Variants in MACROD2 observed in about 807,000 individuals in gnomAD.
MACROD2 encodes the protein ADP-ribose glycohydrolase MACROD2.
Under a neutral mutation model 70.4 loss-of-function variants are expected in MACROD2, and 36 were observed. That is an observed-to-expected ratio of 0.51 (90% CI 0.39 to 0.68). The LOEUF (loss-of-function observed/expected upper bound fraction) is 0.68. Among genes scored for constraint, MACROD2 ranks in the 30% least tolerant of loss-of-function variants. The pLI, the probability that MACROD2 is intolerant of heterozygous loss-of-function variation, is 0.00. For missense variants in MACROD2, 496 were observed against 538.4 expected, an observed-to-expected ratio of 0.92 and a Z score of 0.78; for synonymous variants, 172 against 178.8, an observed-to-expected ratio of 0.96 and a Z score of 0.30.
At chr20:14,247,406 T>C (rs966363894) in intron 3 of MACROD2, among the ~76,000 whole-genome samples, 1 of 152,196 alleles carries the variant, frequency 6.6e-6, no homozygotes, top group African/African-American at 2.4e-5. Flanking sequence ...TTTGCAGTGT[T>C]TATATTCAGA....
chr20:14,005,286 C>T (rs1332557100), intron 2 of MACROD2, among the ~76,000 whole-genome samples: 2 of 151,858 alleles, frequency 1.3e-5, no homozygotes, highest in East Asian at 1.9e-4. Flanking sequence ...TAAAAAAACC[C>T]AAAAAACAAA....
At chr20:14,454,555 C>A (rs117743890) in intron 3 of MACROD2, among the ~76,000 whole-genome samples, 3,168 of 151,818 alleles carry the variant, frequency 0.021, 71 homozygotes, top group Non-Finnish European at 0.026. Flanking sequence ...GTTGTAACAG[C>A]AGTGGTTTAG....
chr20:14,420,144 T>TTA (rs368804584), intron 3 of MACROD2, among the ~76,000 whole-genome samples: 5,118 of 148,234 alleles, frequency 0.035, 159 homozygotes, highest in African/African-American at 0.083. Context: ...TCTGTCCTAA[T>TTA]TATATATATA....
intron 5 of MACROD2, among the ~76,000 whole-genome samples, chr20:14,882,864 AT>A (rs777615828): frequency 1.3e-5 from 2 of 152,190 alleles, no homozygotes; most frequent in Non-Finnish European, 2.9e-5. Context: ...GGACTTAAGT[AT>A]GTAGACCTTA....
intron 6 of MACROD2, among the ~76,000 whole-genome samples, chr20:15,236,042 CA>C (rs1313219615): frequency 1.3e-5 from 2 of 152,200 alleles, no homozygotes; most frequent in Non-Finnish European, 2.9e-5. Flanking sequence ...GTAACAAGAA[CA>C]AAGGCACTTT....
intron 8 of MACROD2, among the ~76,000 whole-genome samples, chr20:15,660,280 T>C (rs2049801086): frequency 1.3e-5 from 2 of 152,196 alleles, no homozygotes; most frequent in African/African-American, 4.8e-5. Flanking sequence ...AGATGGAAAC[T>C]GAAGCTTGAA....
At chr20:14,488,994 A>C (rs2123095145) in intron 3 of MACROD2, among the ~76,000 whole-genome samples, 1 of 152,282 alleles carries the variant, frequency 6.6e-6, no homozygotes, top group South Asian at 2.1e-4. Context: ...ATTTATTAGT[A>C]GTAGGGGTCA....
At chr20:15,746,006 C>A (rs533500716) in intron 8 of MACROD2, among the ~76,000 whole-genome samples, 12 of 152,166 alleles carry the variant, frequency 7.9e-5, no homozygotes, top group African/African-American at 2.9e-4. Context: ...TTTGACTATT[C>A]TTGGCCTATG....
chr20:15,180,511 C>T (rs1336275502), intron 5 of MACROD2, among the ~76,000 whole-genome samples: 7 of 152,166 alleles, frequency 4.6e-5, no homozygotes, highest in African/African-American at 4.8e-5. Flanking sequence ...ATTTCATTTG[C>T]AGCTGTTAGC....
chr20:14,967,641 T>A (rs1457191780), intron 5 of MACROD2, among the ~76,000 whole-genome samples: 1 of 152,236 alleles, frequency 6.6e-6, no homozygotes, highest in East Asian at 1.9e-4. Flanking sequence ...ATTTTTTAAA[T>A]GATTAATGAT....
At chr20:14,095,362 C>T (rs2054208909) in intron 3 of MACROD2, among the ~76,000 whole-genome samples, 1 of 152,024 alleles carries the variant, frequency 6.6e-6, no homozygotes, top group African/African-American at 2.4e-5. Flanking sequence ...AAGTGAGAGA[C>T]TGGAATTAAA....
At chr20:15,967,257 C>T (rs2066153829) in intron 12 of MACROD2, among the ~76,000 whole-genome samples, 2 of 152,076 alleles carry the variant, frequency 1.3e-5, no homozygotes, top group Admixed American at 6.6e-5. Context: ...TATGTCCTTT[C>T]CCATAGTTCT....
At chr20:14,062,279 A>T (rs2053699889) in intron 2 of MACROD2, among the ~76,000 whole-genome samples, 1 of 152,154 alleles carries the variant, frequency 6.6e-6, no homozygotes, top group Non-Finnish European at 1.5e-5. Context: ...AGTGTTTACC[A>T]TGTGTCAGTC....
chr20:15,549,024 G>A (rs904454243), intron 8 of MACROD2, among the ~76,000 whole-genome samples: 5 of 152,176 alleles, frequency 3.3e-5, no homozygotes, highest in African/African-American at 1.2e-4. Flanking sequence ...AGAAACCCCA[G>A]GCAAAAACTG....
intron 5 of MACROD2, among the ~76,000 whole-genome samples, chr20:14,952,161 T>C (rs987643032): frequency 7.9e-5 from 12 of 152,174 alleles, no homozygotes; most frequent in African/African-American, 2.9e-4. Flanking sequence ...TAATTGTGCA[T>C]GGAATTTGCA....
intron 6 of MACROD2, among the ~76,000 whole-genome samples, chr20:15,301,481 A>G (rs1419628280): frequency 6.6e-6 from 1 of 151,560 alleles, no homozygotes; most frequent in Admixed American, 6.6e-5. Context: ...TTTTACTCAG[A>G]GAGTTGAGAG....
chr20:15,158,183 G>T (rs544449995), intron 5 of MACROD2, among the ~76,000 whole-genome samples: 2 of 152,222 alleles, frequency 1.3e-5, no homozygotes, highest in East Asian at 3.9e-4. Flanking sequence ...GCTTCAAATG[G>T]ATATGTTTTT....
chr20:15,016,975 C>G (rs2122950794), intron 5 of MACROD2, among the ~76,000 whole-genome samples: 1 of 152,182 alleles, frequency 6.6e-6, no homozygotes, highest in Admixed American at 6.5e-5. Flanking sequence ...GGGTCACAGC[C>G]AAACCATATC....
intron 3 of MACROD2, among the ~76,000 whole-genome samples, chr20:14,101,985 T>TA (rs1402277374): frequency 6.7e-6 from 1 of 149,276 alleles, no homozygotes; most frequent in Non-Finnish European, 1.5e-5. Context: ...GGATGTCTTT[T>TA]AATGAGTCTT....
Sources: allele counts gnomAD v4.1 joint callset (sites outside exome capture counted in the v4.1 genomes callset), GRCh38; gene constraint gnomAD v4.1.1; transcripts MANE v1.5; gene names NCBI Gene and HGNC (gene_info 2026-07-23, HGNC 2026-07-21).